The following ELF2 variants were observed in gnomAD, a reference collection of about 807,000 sequenced individuals.
ELF2 encodes the protein E74 like ETS transcription factor 2.
Under a neutral mutation model 54.8 loss-of-function variants are expected in ELF2, and 11 were observed. That is an observed-to-expected ratio of 0.20 (90% CI 0.13 to 0.33). The LOEUF is 0.33. ELF2 is among the 10% of genes least tolerant of loss of function. The probability of loss-of-function intolerance (pLI) is 1.00; values close to 1 mark genes in which losing one functional copy is unlikely to be tolerated. For synonymous variants in ELF2, 203 were observed against 245.1 expected (o/e 0.83, Z 1.61); for missense variants, 513 against 703.0 (o/e 0.73, Z 3.06).
chr4:139,114,991 A>G, intron 4 of ELF2: 1 of 1,613,738 alleles, frequency 6.2e-7, no homozygotes, highest in Non-Finnish European at 8.5e-7. Context: ...CAGACCAGAA[A>G]TGAAGGCCTC....
At chr4:139,066,807 C>T (rs1728778716) in intron 7 of ELF2, 1 of 151,752 alleles carries the variant, frequency 6.6e-6, no homozygotes, top group Non-Finnish European at 1.5e-5. Context: ...AGCACAGTAG[C>T]GCAAGGCTGC....
intron 5 of ELF2, among the ~76,000 whole-genome samples, chr4:139,073,053 C>CATG (rs1488661482): frequency 2.6e-5 from 4 of 152,192 alleles, no homozygotes; most frequent in Non-Finnish European, 5.9e-5. Flanking sequence ...CCTTGTCTCT[C>CATG]TACCATGTGT....
rs752635604 is a variant in ELF2 at position 139,059,614 on chromosome 4, C to T, written c.1158-7G>A. The T allele has an allele frequency of 8.1e-6, 13 of 1,598,978 alleles. No individual in the cohort carries two copies. Among genetic ancestry groups the T allele is most frequent in the Non-Finnish European group, 1.1e-5 (13 of 1,174,810 alleles). On this transcript the variant is annotated splice_polypyrimidine_tract_variant and splice_region_variant and intron_variant, in intron 9 of 9. Coordinates refer to ENST00000686138, the MANE Select transcript of ELF2 (RefSeq NM_001331036.3). Reference sequence around the variant, plus strand: ...CATTGCCACACGAACTGTCCTAGTACATTAGAAAGAAAAAAGCTGATTATA... The same window carrying T: ...CATTGCCACACGAACTGTCCTAGTATATTAGAAAGAAAAAAGCTGATTATA...
At chr4:139,156,640 T>C (rs934494058) in intron 1 of ELF2, among the ~76,000 whole-genome samples, 11 of 132,090 alleles carry the variant, frequency 8.3e-5, no homozygotes, top group Middle Eastern at 8.0e-3. Context: ...GTTGTTGTTG[T>C]TGTTGCTGTT....
chr4:139,171,703 T>C (rs1256636135), intron 1 of ELF2, among the ~76,000 whole-genome samples: 1 of 151,986 alleles, frequency 6.6e-6, no homozygotes, highest in Non-Finnish European at 1.5e-5. Context: ...GCAGGAGGAC[T>C]GCCTGAGCTC....
intron 1 of ELF2, among the ~76,000 whole-genome samples, chr4:139,140,863 A>G: frequency 6.6e-6 from 1 of 151,976 alleles, no homozygotes; most frequent in South Asian, 2.1e-4. Flanking sequence ...AATCTTTTAT[A>G]TTTTATACTC....
chr4:139,176,656 C>CG (rs1322569797), intron 1 of ELF2, among the ~76,000 whole-genome samples: 6 of 152,166 alleles, frequency 3.9e-5, no homozygotes, highest in African/African-American at 1.4e-4. Context: ...TCCCCCCCGC[C>CG]GGGGTCTGTA....
intron 3 of ELF2, among the ~76,000 whole-genome samples, chr4:139,134,613 ATTTTATTTAT>A (rs138231859): frequency 0.087 from 12,013 of 137,408 alleles, 681 homozygotes; most frequent in African/African-American, 0.18. Context: ...ATTTTATTTT[ATTTTATTTAT>A]TTTATTTTAT....
intron 4 of ELF2, among the ~76,000 whole-genome samples, chr4:139,102,610 G>A (rs1734012032): frequency 6.6e-6 from 1 of 151,756 alleles, no homozygotes; most frequent in Non-Finnish European, 1.5e-5. Flanking sequence ...GGAGGCTGAG[G>A]CAAGCGGATC....
In ELF2 at chr4:139,137,824, G is replaced by C; in HGVS notation, c.-123C>G. 1 of 1,404,366 alleles carries C rather than the reference G, an allele frequency of 7.1e-7. No homozygotes were observed. Among genetic ancestry groups the C allele is most frequent in the South Asian group, 1.8e-5 (1 of 56,702 alleles). The allele number at this position is 1,404,366 out of a possible 1,614,324, so 87.0% of individuals were successfully genotyped here. On this transcript the variant is annotated 5_prime_UTR_variant, in exon 3 of 10. In the 5' UTR this introduces an upstream ATG that the reference lacks. Transcript: ENST00000686138. ...AAGTCAATAGAGATGGAGTGGAGTAGATATCCAGAAATCCAGTCTTCTAAA... is the reference window on the plus strand; with the variant it reads ...AAGTCAATAGAGATGGAGTGGAGTACATATCCAGAAATCCAGTCTTCTAAA...
Position 139,058,725 on chromosome 4 carries a change from C to T in ELF2, c.*258G>A. 1 of 405,750 alleles carries T rather than the reference C, an allele frequency of 2.5e-6. No individual in the cohort carries two copies. The highest frequency in any genetic ancestry group is 4.4e-6 in the Non-Finnish European group (1 of 229,256). 25.1% of individuals were successfully genotyped at this position (405,750 alleles called of 1,614,324 possible). A position where few individuals can be genotyped will look rare whatever the true frequency, so the allele number is the denominator to read the frequency against. On this transcript the variant is annotated 3_prime_UTR_variant, in exon 10 of 10. Transcript: ENST00000686138. ...TTGATATCGTAGTGAGCTGCTTGGT[C>T]CCTTTCGATCCTTTTTCTTATTGAT...
At chr4:139,118,385 G>A (rs1406969393) in intron 4 of ELF2, among the ~76,000 whole-genome samples, 1 of 152,152 alleles carries the variant, frequency 6.6e-6, no homozygotes, top group Non-Finnish European at 1.5e-5. Context: ...ATACCTACCT[G>A]AGCACATTAT....
chr4:139,125,403 T>A, intron 3 of ELF2, 74 bp from the exon 4 acceptor site: 3 of 1,547,992 alleles, frequency 1.9e-6, no homozygotes, highest in Non-Finnish European at 2.6e-6. Context: ...ATCCTTGAAC[T>A]AATACAGTCT....
At chr4:139,154,025 CAT>C (rs371194690) in intron 1 of ELF2, among the ~76,000 whole-genome samples, 71 of 152,344 alleles carry the variant, frequency 4.7e-4, no homozygotes, top group African/African-American at 1.6e-3. Flanking sequence ...GGAAAAAGCA[CAT>C]GTCACAGCTG....
rs144564089 is a variant in ELF2, at chr4:139,068,920, C to A, written c.527-1150G>T. Among the ~76,000 whole-genome samples the A allele has an allele frequency of 1.1e-3, 160 of 151,964 alleles. 1 individual carries two copies. The highest frequency in any genetic ancestry group is 3.8e-3 in the African/African-American group (157 of 41,410). On this transcript the variant is annotated intron_variant, in intron 6 of 9. Transcript: ENST00000686138. ...AAGAGATGGAGTCTCACTCTGTCAC[C>A]CAGACTGGAGCGCAGTGACGCGAAC...
chr4:139,124,526 T>G (rs907108290), intron 4 of ELF2, among the ~76,000 whole-genome samples: 1 of 150,904 alleles, frequency 6.6e-6, no homozygotes, highest in Non-Finnish European at 1.5e-5. Flanking sequence ...TTTATTATTA[T>G]GTAAGAGTCA....
In ELF2 at chr4:139,072,039, A is replaced by G. The variant is rs962676201; in HGVS notation, c.353T>C (p.Val118Ala). ...TACACAAGGAGGAACAAACACTTCC[A>G]CTATAAAAAAAAGTTGAAAAATTAA... ...PTCLRDSRSP[V>A]EVFVPPCVST... The change falls in exon 6 of 10, where the codon GTG (valine) becomes GCG (alanine). Residue 118 changes from valine to alanine, a missense_variant and splice_region_variant. This residue lies in a region of ELF2 where 203 missense variants were observed against 245.9 expected (regional missense o/e 0.83). Coordinates refer to ENST00000686138, the MANE Select transcript of ELF2 (RefSeq NM_001331036.3). 1.2e-5 allele frequency: 19 copies of G among 1,606,466 alleles called. No individual in the cohort carries two copies. Among genetic ancestry groups the G allele is most frequent in the African/African-American group, 2.7e-5 (2 of 74,210 alleles).
chr4:139,135,253 G>GTA (rs2148856682), intron 3 of ELF2, among the ~76,000 whole-genome samples: 1 of 138,310 alleles, frequency 7.2e-6, no homozygotes, highest in African/African-American at 2.9e-5. Flanking sequence ...GTGTGTGTGT[G>GTA]TGTGTGTGTG....
intron 1 of ELF2, among the ~76,000 whole-genome samples, chr4:139,150,518 CA>C (rs34465260): frequency 0.023 from 1,739 of 76,894 alleles, 20 homozygotes; most frequent in African/African-American, 0.071. Context: ...GACCCTGTCT[CA>C]AAAAAAAAAA....
Sources: gnomAD v4.1 joint callset for allele counts (sites outside exome capture counted in the v4.1 genomes callset) on GRCh38, gnomAD v4.1.1 for gene constraint, gnomAD v4.1.1 regional missense constraint, MANE v1.5 for transcripts, NCBI Gene and HGNC (gene_info 2026-07-23, HGNC 2026-07-21) for gene names.